The following EFNB2 variants were observed in gnomAD, a reference collection of about 807,000 sequenced individuals.
EFNB2 encodes ephrin B2.
Under a neutral mutation model 32.1 loss-of-function variants are expected in EFNB2, and 5 were observed. That is an observed-to-expected ratio of 0.16 (90% CI 0.08 to 0.33). The LOEUF (loss-of-function observed/expected upper bound fraction) is 0.33. EFNB2 is among the 10% of genes least tolerant of loss of function. EFNB2 has a pLI of 1.00. For synonymous variants in EFNB2, 168 were observed against 166.5 expected, an observed-to-expected ratio of 1.01 and a Z score of -0.07; for missense variants, 263 against 422.6, an observed-to-expected ratio of 0.62 and a Z score of 3.31.
At chr13:106,526,125 T>C (rs1879692498) in intron 1 of EFNB2, among the ~76,000 whole-genome samples, 2 of 152,114 alleles carry the variant, frequency 1.3e-5, no homozygotes, top group African/African-American at 4.8e-5. Context: ...CAGAAACCCC[T>C]GTTTTCTCAA....
At chr13:106,500,206 G>A (rs1036745730) in intron 2 of EFNB2, among the ~76,000 whole-genome samples, 4 of 152,146 alleles carry the variant, frequency 2.6e-5, no homozygotes, top group South Asian at 2.1e-4. Flanking sequence ...GATGTTCACC[G>A]CTCTGCTCCC....
intron 2 of EFNB2, among the ~76,000 whole-genome samples, chr13:106,508,379 G>A (rs1879030027): frequency 6.6e-6 from 1 of 152,022 alleles, no homozygotes; most frequent in Non-Finnish European, 1.5e-5. Context: ...AAAATAACTA[G>A]AGGTTAGGTA....
chr13:106,533,227 C>A (rs935657722), intron 1 of EFNB2, among the ~76,000 whole-genome samples: 67 of 151,318 alleles, frequency 4.4e-4, no homozygotes, highest in Non-Finnish European at 8.6e-4. Context: ...CCTCTGGAGG[C>A]ACCGGGCGGG....
intron 1 of EFNB2, among the ~76,000 whole-genome samples, chr13:106,521,843 T>C (rs951008186): frequency 2.6e-5 from 4 of 151,960 alleles, no homozygotes; most frequent in Non-Finnish European, 5.9e-5. Flanking sequence ...CATAAAAAAT[T>C]CACAGAAGGG....
intron 4 of EFNB2, among the ~76,000 whole-genome samples, chr13:106,494,032 C>A (rs1012432582): frequency 2.0e-5 from 3 of 152,178 alleles, no homozygotes; most frequent in Non-Finnish European, 4.4e-5. Flanking sequence ...AGACTGCCAG[C>A]CCAAATGTTA....
chr13:106,529,323 C>T (rs1382140686), intron 1 of EFNB2, among the ~76,000 whole-genome samples: 1 of 152,210 alleles, frequency 6.6e-6, no homozygotes, highest in African/African-American at 2.4e-5. Context: ...TGCAGTTAAT[C>T]CTACAGAACG....
chr13:106,521,745 T>C (rs1311733866), intron 1 of EFNB2: 1 of 151,100 alleles, frequency 6.6e-6, no homozygotes, highest in Non-Finnish European at 1.5e-5. Flanking sequence ...AAAGACAGTA[T>C]TCTCATAGTT....
intron 2 of EFNB2, among the ~76,000 whole-genome samples, chr13:106,498,093 A>G (rs1566455279): frequency 3.9e-5 from 6 of 152,284 alleles, no homozygotes; most frequent in Middle Eastern, 6.8e-3. Flanking sequence ...ACTTACTTTG[A>G]GTTACTTACT....
chr13:106,500,041 A>G (rs952608762), intron 2 of EFNB2, among the ~76,000 whole-genome samples: 11 of 152,202 alleles, frequency 7.2e-5, no homozygotes, highest in African/African-American at 2.7e-4. Flanking sequence ...GTTCTTAGTC[A>G]CTGGGAAGAG....
chr13:106,526,797 C>T (rs185665317), intron 1 of EFNB2, among the ~76,000 whole-genome samples: 150 of 152,226 alleles, frequency 9.9e-4, no homozygotes, highest in African/African-American at 3.6e-3. Flanking sequence ...ATGGTAAGCC[C>T]AGGTAAAGGT....
rs1269002409 is a variant in EFNB2 at position 106,535,646 on chromosome 13, C to G, written c.-682G>C. On this transcript the variant is annotated 5_prime_UTR_variant, in exon 1 of 5. Transcript: ENST00000646441. ...TCGCTCCGGCCGGCGCCGCGGTCCC[C>G]GCCGAGGAGAGTCAGCGCGGCCGCC... 1 of 150,594 alleles carries G rather than the reference C, an allele frequency of 6.6e-6. No homozygotes were observed. The highest frequency in any genetic ancestry group is 2.1e-4 in the South Asian group (1 of 4,812). The allele number at this position is 150,594 out of a possible 1,614,324, so 9.3% of individuals were successfully genotyped here. A position where few individuals can be genotyped will look rare whatever the true frequency, so the allele number is the denominator to read the frequency against.
At position 106,490,335 on chromosome 13, in the gene EFNB2, G is replaced by A. The variant is rs961694781; in HGVS notation, c.*2705C>T. 1 of 152,142 alleles carries A rather than the reference G, an allele frequency of 6.6e-6. No individual in the cohort carries two copies. The highest frequency in any genetic ancestry group is 6.5e-5 in the Admixed American group (1 of 15,276). The allele number at this position is 152,142 out of a possible 1,614,324, so 9.4% of individuals were successfully genotyped here. A position where few individuals can be genotyped will look rare whatever the true frequency, so the allele number is the denominator to read the frequency against. ...TGCAAATTCCAAAGTCGGGTGACCAGGGACGATCATACAAGCAAGGCATTT... is the reference window on the plus strand; with the variant it reads ...TGCAAATTCCAAAGTCGGGTGACCAAGGACGATCATACAAGCAAGGCATTT... On this transcript the variant is annotated 3_prime_UTR_variant, in exon 5 of 5. Transcript: ENST00000646441.
At chr13:106,499,821 A>C (rs1428824777) in intron 2 of EFNB2, among the ~76,000 whole-genome samples, 2 of 152,210 alleles carry the variant, frequency 1.3e-5, no homozygotes, top group African/African-American at 4.8e-5. Flanking sequence ...CTGTTTTTAA[A>C]AGCTTTTGCT....
chr13:106,490,449 A>G lies in EFNB2; in HGVS notation c.*2591T>C, dbSNP rs1343543524. 5 of 152,228 alleles carry G rather than the reference A, an allele frequency of 3.3e-5. No homozygotes were observed. The highest frequency in any genetic ancestry group is 1.2e-4 in the African/African-American group (5 of 41,472). The allele number at this position is 152,228 out of a possible 1,614,324, so 9.4% of individuals were successfully genotyped here. On this transcript the variant is annotated 3_prime_UTR_variant, in exon 5 of 5. Coordinates refer to ENST00000646441, the MANE Select transcript of EFNB2 (RefSeq NM_004093.4). ...TGCACCAGACACAAAACAGACGCACAGAACACTTTTCAATTGGTTGCAGGG... is the reference window on the plus strand; with the variant it reads ...TGCACCAGACACAAAACAGACGCACGGAACACTTTTCAATTGGTTGCAGGG...
Position 106,493,090 on chromosome 13 carries a change from C to T in EFNB2, c.952G>A (p.Val318Ile). ...GGGCTCTGCGGGGGCATCTCCTGGACGATGTACACCGGGTGCCCGTAGTCC... is the reference window on the plus strand; with the variant it reads ...GGGCTCTGCGGGGGCATCTCCTGGATGATGTACACCGGGTGCCCGTAGTCC... ...SGDYGHPVYI[V>I]QEMPPQSPAN... The change falls in exon 5 of 5, where the codon GTC becomes ATC. Residue 318 changes from valine (V) to isoleucine (I), a missense_variant. By Grantham distance (29) the Val-to-Ile change is conservative. This residue lies in a region of EFNB2 where 172 missense variants were observed against 237.1 expected (regional missense o/e 0.73). Transcript: ENST00000646441. This position sits in a 1 kb window ranked among gnomAD's most constrained non-coding sequence, Gnocchi z 6.1. The T allele has an allele frequency of 1.2e-6, 2 of 1,613,894 alleles. No homozygotes were observed. Among genetic ancestry groups the T allele is most frequent in the Non-Finnish European group, 1.7e-6 (2 of 1,179,980 alleles).
At chr13:106,501,916 T>G (rs1179919868) in intron 2 of EFNB2, among the ~76,000 whole-genome samples, 1 of 152,122 alleles carries the variant, frequency 6.6e-6, no homozygotes, top group Non-Finnish European at 1.5e-5. Flanking sequence ...AAGAAGAAAT[T>G]TATACTTAGC....
chr13:106,498,049 C>A lies in EFNB2; in HGVS notation c.407-2209G>T, dbSNP rs185000434. Reference sequence around the variant, plus strand: ...TTAAATTCACAAGCACATAAATGAACCTACACGCAAAAGTGCACTCAAACT... The same window carrying A: ...TTAAATTCACAAGCACATAAATGAAACTACACGCAAAAGTGCACTCAAACT... On this transcript the variant is annotated intron_variant, in intron 2 of 4. Transcript: ENST00000646441. Among the ~76,000 whole-genome samples the A allele has an allele frequency of 5.9e-3, 894 of 152,150 alleles. 9 individuals are homozygous for A. The highest frequency in any genetic ancestry group is 0.02 in the African/African-American group (843 of 41,482).
intron 1 of EFNB2, among the ~76,000 whole-genome samples, chr13:106,530,463 GTTCT>G (rs1269491786): frequency 1.3e-5 from 2 of 152,182 alleles, no homozygotes; most frequent in African/African-American, 2.4e-5. Context: ...TGAAAAACAG[GTTCT>G]TTATGTCAGC....
intron 1 of EFNB2, among the ~76,000 whole-genome samples, chr13:106,526,505 A>G (rs1879705269): frequency 6.6e-6 from 1 of 152,154 alleles, no homozygotes. Flanking sequence ...CTAGGTCATA[A>G]AGAGAGAGAA....
Sources: gnomAD v4.1 joint callset for allele counts (sites outside exome capture counted in the v4.1 genomes callset) on GRCh38, gnomAD v4.1.1 for gene constraint, gnomAD v4.1.1 regional missense constraint, Gnocchi (gnomAD v3.1) non-coding constraint, MANE v1.5 for transcripts, NCBI Gene and HGNC (gene_info 2026-07-23, HGNC 2026-07-21) for gene names.